The following LRRC7 variants were observed in gnomAD, a reference collection of about 807,000 sequenced individuals.
LRRC7 encodes the protein leucine-rich repeat-containing protein 7.
A neutral mutation model predicts 175.7 loss-of-function variants in LRRC7; 23 were observed. The ratio of observed to expected loss-of-function variants is 0.13; its 90% CI spans 0.09 to 0.19. The LOEUF is 0.19. Among genes scored for constraint, LRRC7 ranks in the 10% least tolerant of loss-of-function variants. The pLI, the probability that LRRC7 is intolerant of heterozygous loss-of-function variation, is 1.00. For missense variants in LRRC7, 1,354 were observed against 1,904.7 expected (o/e 0.71, Z 5.38); for synonymous variants, 685 against 680.9 (o/e 1.01, Z -0.09).
At chr1:69,658,981 G>T (rs972181649) in intron 1 of LRRC7, among the ~76,000 whole-genome samples, 18 of 152,022 alleles carry the variant, frequency 1.2e-4, no homozygotes, top group Non-Finnish European at 2.6e-4. Flanking sequence ...GAAAAGGAGA[G>T]GTTACAAGAA....
intron 7 of LRRC7, among the ~76,000 whole-genome samples, chr1:69,858,957 C>A (rs982163176): frequency 6.6e-6 from 1 of 152,016 alleles, no homozygotes; most frequent in African/African-American, 2.4e-5. Context: ...CAAATATATA[C>A]GAACTCAACA....
chr1:69,785,954 T>C (rs1296493073), intron 3 of LRRC7, among the ~76,000 whole-genome samples: 1 of 152,192 alleles, frequency 6.6e-6, no homozygotes, highest in Non-Finnish European at 1.5e-5. Context: ...CTTTTATTTC[T>C]TTAAACATAT....
intron 2 of LRRC7, among the ~76,000 whole-genome samples, chr1:69,722,693 A>G (rs935507574): frequency 6.6e-6 from 1 of 152,020 alleles, no homozygotes; most frequent in Admixed American, 6.6e-5. Flanking sequence ...AATTACTTCA[A>G]GTTGCGTTTT....
At chr1:69,757,809 G>A (rs1262664857) in intron 2 of LRRC7, among the ~76,000 whole-genome samples, 1 of 151,770 alleles carries the variant, frequency 6.6e-6, no homozygotes, top group East Asian at 1.9e-4. Context: ...GAAGCAAATG[G>A]GTGTGTGCCG....
intron 7 of LRRC7, chr1:69,919,720 CT>C: frequency 9.7e-7 from 1 of 1,030,942 alleles, no homozygotes; most frequent in South Asian, 1.4e-5. Context: ...ACCTGGGTGC[CT>C]TCAGCAAAGG....
intron 3 of LRRC7, among the ~76,000 whole-genome samples, chr1:69,769,020 G>A (rs1003634279): frequency 6.6e-6 from 1 of 152,140 alleles, no homozygotes; most frequent in African/African-American, 2.4e-5. Flanking sequence ...TGATTCACTA[G>A]TATAAGCTTC....
intron 1 of LRRC7, among the ~76,000 whole-genome samples, chr1:69,600,800 C>CTTTTTTTTTTTTTTTTTT (rs59212223): frequency 3.1e-5 from 2 of 64,898 alleles, no homozygotes; most frequent in Admixed American, 2.2e-4. Flanking sequence ...TCTCTGGTTT[C>CTTTTTTTTTTTTTTTTTT]TTTTTTTTTT....
intron 1 of LRRC7, among the ~76,000 whole-genome samples, chr1:69,639,076 G>T (rs959944291): frequency 1.3e-5 from 2 of 151,482 alleles, no homozygotes; most frequent in African/African-American, 4.8e-5. Context: ...CTATTTTTTT[G>T]TCAAAGGAGG....
intron 24 of LRRC7, among the ~76,000 whole-genome samples, chr1:70,078,300 G>A (rs955790783): frequency 3.3e-5 from 5 of 152,170 alleles, no homozygotes; most frequent in Non-Finnish European, 5.9e-5. Context: ...CTGTCATCCC[G>A]TTATAAACCT....
intron 1 of LRRC7, among the ~76,000 whole-genome samples, chr1:69,667,831 C>T (rs1054786694): frequency 1.3e-5 from 2 of 152,128 alleles, no homozygotes; most frequent in Non-Finnish European, 2.9e-5. Context: ...TAAGGACTTA[C>T]TCCTGCCTTT....
chr1:69,732,141 TTAG>T (rs1376021515), intron 2 of LRRC7, among the ~76,000 whole-genome samples: 5 of 152,036 alleles, frequency 3.3e-5, no homozygotes, highest in African/African-American at 1.2e-4. Context: ...TAATTCCAAT[TTAG>T]TAGTAATAAT....
intron 1 of LRRC7, among the ~76,000 whole-genome samples, chr1:69,571,270 G>T (rs572394648): frequency 1.3e-5 from 2 of 152,288 alleles, no homozygotes; most frequent in Admixed American, 6.5e-5. Context: ...TGGTCCAGTT[G>T]CAGTAGCCAT....
At chr1:69,645,505 T>C (rs1654876972) in intron 1 of LRRC7, among the ~76,000 whole-genome samples, 1 of 152,034 alleles carries the variant, frequency 6.6e-6, no homozygotes, top group Non-Finnish European at 1.5e-5. Context: ...TGAATTTTCT[T>C]TTCCCTTTTT....
At position 70,139,083 on chromosome 1, in the gene LRRC7, C is replaced by G. The variant is rs1666972700; in HGVS notation, c.*17196C>G. 6.6e-6 allele frequency: 1 copy of G among 152,150 alleles called. No homozygotes were observed. The highest frequency in any genetic ancestry group is 6.5e-5 in the Admixed American group (1 of 15,268). 9.4% of individuals were successfully genotyped at this position (152,150 alleles called of 1,614,324 possible). A position where few individuals can be genotyped will look rare whatever the true frequency, so the allele number is the denominator to read the frequency against. On this transcript the variant is annotated 3_prime_UTR_variant, in exon 27 of 27. Transcript: ENST00000651989. ...ATTCTAATGCTTCCTACTGCAAAAA[C>G]CAAGCCCACAAGTCTCCAATCCTAA... is the stretch of plus-strand genomic sequence containing the variant.
chr1:69,747,186 T>G (rs531959274), intron 2 of LRRC7, among the ~76,000 whole-genome samples: 1 of 152,162 alleles, frequency 6.6e-6, no homozygotes, highest in Non-Finnish European at 1.5e-5. Context: ...AAAAAATGAA[T>G]GTTGGGAGGA....
intron 7 of LRRC7, among the ~76,000 whole-genome samples, chr1:69,879,412 G>C (rs2421306): frequency 0.56 from 85,379 of 151,686 alleles, 24,138 homozygotes; most frequent in East Asian, 0.7. Flanking sequence ...GAAGACAGCA[G>C]CAAAGACGGT....
chr1:69,848,668 C>T (rs915926341), intron 7 of LRRC7, among the ~76,000 whole-genome samples: 3 of 152,050 alleles, frequency 2.0e-5, no homozygotes, highest in African/African-American at 7.2e-5. Context: ...CCTCTCTACT[C>T]AAGTCAGGGT....
chr1:69,836,834 T>C (rs550905694), intron 6 of LRRC7, among the ~76,000 whole-genome samples: 32 of 151,580 alleles, frequency 2.1e-4, no homozygotes, highest in African/African-American at 7.7e-4. Flanking sequence ...CATATACAGA[T>C]TAATCATTAT....
intron 22 of LRRC7, 142 bp from the exon 23 acceptor site, chr1:70,052,884 A>G (rs1013285312): frequency 3.1e-5 from 23 of 734,800 alleles, no homozygotes; most frequent in Non-Finnish European, 4.1e-5. Context: ...AGTAAATAGT[A>G]TATAATATTT....
Sources: allele counts gnomAD v4.1 joint callset (sites outside exome capture counted in the v4.1 genomes callset), GRCh38; gene constraint gnomAD v4.1.1; transcripts MANE v1.5; gene names NCBI Gene and HGNC (gene_info 2026-07-23, HGNC 2026-07-21).